Variants in TFB1M observed in about 807,000 individuals in gnomAD.
TFB1M encodes the protein transcription factor B1, mitochondrial, also known as dimethyladenosine transferase 1, mitochondrial.
A neutral mutation model predicts 31.1 loss-of-function variants in TFB1M; 27 were observed. The observed-to-expected ratio is 0.87, with a 90% CI of 0.64 to 1.20. The LOEUF (loss-of-function observed/expected upper bound fraction) is 1.20. TFB1M is among the 50% of genes most tolerant of loss of function. TFB1M has a pLI of 0.00. For synonymous variants in TFB1M, 166 were observed against 151.8 expected (o/e 1.09, Z -0.69); for missense variants, 394 against 418.7 (o/e 0.94, Z 0.51).
rs552035640 is a variant in TFB1M, at chr6:155,286,683, T to A, written c.547-1406A>T. On this transcript the variant is annotated intron_variant, in intron 4 of 6. Coordinates refer to ENST00000367166, the MANE Select transcript of TFB1M (RefSeq NM_016020.4). ...TATGTATATATACATATATATATAT[T>A]TTTTTGATCTTGGCTGGGAACAGTG... is the stretch of plus-strand genomic sequence containing the variant. Among the ~76,000 whole-genome samples, 46 of 148,626 alleles carry A rather than the reference T, an allele frequency of 3.1e-4. No homozygotes were observed. The East Asian group carries it at 3.5e-3, about 11-fold the overall frequency.
At chr6:155,254,737 T>A, downstream of TFB1M, 2 of 793,824 alleles carry the variant, frequency 2.5e-6, no homozygotes, top group Non-Finnish European at 3.9e-6. Context: ...CCAGACGTTC[T>A]ACTGTAAAAT....
the TFB1M span, among the ~76,000 whole-genome samples, chr6:155,233,707 G>A: frequency 3.9e-5 from 6 of 152,088 alleles, no homozygotes; most frequent in Admixed American, 1.3e-4. Flanking sequence ...GGTGGCTCAC[G>A]CCTATAATCC....
the TFB1M span, among the ~76,000 whole-genome samples, chr6:155,234,821 G>T: frequency 6.6e-6 from 1 of 152,254 alleles, no homozygotes; most frequent in African/African-American, 2.4e-5. Context: ...GTCTCCAGAG[G>T]CAGGTGGCTG....
At chr6:155,269,733 T>A (rs1784838190) in intron 5 of TFB1M, among the ~76,000 whole-genome samples, 1 of 152,250 alleles carries the variant, frequency 6.6e-6, no homozygotes. Context: ...AAATGGTAGA[T>A]AATGTTATTA....
intron 4 of TFB1M, among the ~76,000 whole-genome samples, chr6:155,289,593 C>T (rs189141870): frequency 5.3e-5 from 8 of 152,220 alleles, no homozygotes; most frequent in Non-Finnish European, 7.4e-5. Context: ...AATAAGACGA[C>T]GGTGCTCATT....
downstream of TFB1M, among the ~76,000 whole-genome samples, chr6:155,252,714 T>A (rs1382139107): frequency 6.6e-6 from 1 of 152,220 alleles, no homozygotes; most frequent in African/African-American, 2.4e-5. Flanking sequence ...GCTGCTGTTC[T>A]TGCTTTGAGA....
In TFB1M at chr6:155,269,319, C is replaced by CT. The variant is rs1245980310; in HGVS notation, c.667-8920dup. On this transcript the variant is annotated intron_variant, in intron 5 of 6. Transcript: ENST00000367166. ...CTGTAGCTTAGTTTTCTTTTCTTTT[C>CT]TTTTCTTTTTTTTTTTTTTTGAGAT... 4.1e-5 allele frequency among the ~76,000 whole-genome samples: 4 copies of CT among 98,016 alleles called. No individual in the cohort carries two copies. The South Asian group carries it at 1.5e-3, about 37-fold the overall frequency. The allele number at this position is 98,016 out of a possible 152,430, so 64.3% of individuals were successfully genotyped here.
At chr6:155,286,228 C>CA (rs1298980837) in intron 4 of TFB1M, among the ~76,000 whole-genome samples, 1 of 151,602 alleles carries the variant, frequency 6.6e-6, no homozygotes, top group African/African-American at 2.4e-5. Context: ...ATGCCATAAC[C>CA]AAAAAAACTC....
intron 4 of TFB1M, among the ~76,000 whole-genome samples, chr6:155,287,574 G>GTGTGTGTGTA (rs1776722098): frequency 6.6e-6 from 1 of 151,578 alleles, no homozygotes; most frequent in East Asian, 1.9e-4. Context: ...GTGTGTGTGT[G>GTGTGTGTGTA]TATGTGTGTG....
At chr6:155,276,364 G>T (rs1785218594) in intron 5 of TFB1M, 2 of 1,612,592 alleles carry the variant, frequency 1.2e-6, no homozygotes, top group Non-Finnish European at 1.7e-6. Flanking sequence ...CACACAATCT[G>T]AAGGATTATG....
At chr6:155,270,004 T>C (rs1784849381) in intron 5 of TFB1M, among the ~76,000 whole-genome samples, 1 of 152,236 alleles carries the variant, frequency 6.6e-6, no homozygotes, top group Admixed American at 6.5e-5. Flanking sequence ...TCAGAGGTCT[T>C]GCGCTACAGT....
At chr6:155,272,423 T>C (rs535096923) in intron 5 of TFB1M, among the ~76,000 whole-genome samples, 1 of 152,204 alleles carries the variant, frequency 6.6e-6, no homozygotes, top group South Asian at 2.1e-4. Flanking sequence ...GTGTGCACTG[T>C]GTTTTGGGAC....
chr6:155,231,825 A>G, the TFB1M span, among the ~76,000 whole-genome samples: 1 of 152,242 alleles, frequency 6.6e-6, no homozygotes, highest in African/African-American at 2.4e-5. Flanking sequence ...CTGTAATCCC[A>G]GTATTTTGGG....
rs1784066989 is a variant in TFB1M at position 155,256,759 on chromosome 6, G to A, written c.*1077C>T. ...TGACCACCGTCAGACTGTGAAGCAG[G>A]GCAGCCCTACTAAAGACATCGAAAT... On this transcript the variant is annotated 3_prime_UTR_variant, in exon 7 of 7. Transcript: ENST00000367166. The A allele has an allele frequency of 6.2e-7, 1 of 1,614,206 alleles. No homozygotes were observed. The highest frequency in any genetic ancestry group is 8.5e-7 in the Non-Finnish European group (1 of 1,180,042).
At chr6:155,300,842 T>A (rs932752035) in intron 2 of TFB1M, among the ~76,000 whole-genome samples, 3 of 152,188 alleles carry the variant, frequency 2.0e-5, no homozygotes, top group East Asian at 3.8e-4. Flanking sequence ...TCTCGCTCTG[T>A]TGCCCAGGCT....
At chr6:155,237,763 G>A in the TFB1M span, among the ~76,000 whole-genome samples, 1 of 152,170 alleles carries the variant, frequency 6.6e-6, no homozygotes. Flanking sequence ...GGAGTGGCTG[G>A]GACTCAGGGC....
the TFB1M span, among the ~76,000 whole-genome samples, chr6:155,242,350 G>T: frequency 4.6e-5 from 7 of 152,166 alleles, no homozygotes; most frequent in Non-Finnish European, 8.8e-5. Flanking sequence ...GAATCTTGTT[G>T]TTTTTTAACC....
At chr6:155,299,589 C>T (rs1024425388) in intron 2 of TFB1M, 3 of 152,222 alleles carry the variant, frequency 2.0e-5, no homozygotes, top group African/African-American at 4.8e-5. Flanking sequence ...TCTCTTCCCA[C>T]ATTAAGTCAG....
chr6:155,241,676 G>A, the TFB1M span, among the ~76,000 whole-genome samples: 2 of 152,174 alleles, frequency 1.3e-5, no homozygotes, highest in African/African-American at 4.8e-5. Context: ...GCTTCCCAAA[G>A]CCCCTTCTTT....
Sources: allele counts gnomAD v4.1 joint callset (sites outside exome capture counted in the v4.1 genomes callset), GRCh38; gene constraint gnomAD v4.1.1; transcripts MANE v1.5; gene names NCBI Gene and HGNC (gene_info 2026-07-23, HGNC 2026-07-21).